The following NALF1 variants were observed in gnomAD, a reference collection of about 807,000 sequenced individuals.
The protein encoded by NALF1 is family with sequence similarity 155 member A.
NALF1 carries 3 observed loss-of-function variants against 48.4 expected under a neutral mutation model. The ratio of observed to expected loss-of-function variants is 0.06; its 90% CI spans 0.03 to 0.16. The LOEUF is 0.16. Ranked by LOEUF, NALF1 falls within the 10% of genes least tolerant of loss-of-function variation. The probability of loss-of-function intolerance (pLI) is 1.00; values close to 1 mark genes in which losing one functional copy is unlikely to be tolerated. For missense variants in NALF1, 526 were observed against 571.5 expected (o/e 0.92, Z 0.81); for synonymous variants, 262 against 245.7 (o/e 1.07, Z -0.62).
chr13:107,637,044 C>T (rs1276182475), intron 1 of NALF1, among the ~76,000 whole-genome samples: 1 of 151,762 alleles, frequency 6.6e-6, no homozygotes, highest in Non-Finnish European at 1.5e-5. Context: ...CCTACGGTAT[C>T]AGTACAGTAA....
intron 1 of NALF1, among the ~76,000 whole-genome samples, chr13:107,701,502 A>G (rs1444454795): frequency 1.3e-5 from 2 of 152,110 alleles, no homozygotes; most frequent in Non-Finnish European, 2.9e-5. Context: ...GTTACCAGGT[A>G]TGAGGGAGGG....
intron 1 of NALF1, among the ~76,000 whole-genome samples, chr13:107,551,452 G>A (rs529245617): frequency 4.6e-5 from 7 of 152,030 alleles, no homozygotes; most frequent in Non-Finnish European, 1.0e-4. Flanking sequence ...TTGAGCTAGG[G>A]ACAGAAATGA....
intron 1 of NALF1, among the ~76,000 whole-genome samples, chr13:107,252,454 C>G (rs116607211): frequency 2.7e-5 from 4 of 149,282 alleles, no homozygotes; most frequent in African/African-American, 7.4e-5. Flanking sequence ...GAGGGACAGA[C>G]ACAGAGAGGA....
At chr13:107,609,455 C>T (rs1350259443) in intron 1 of NALF1, among the ~76,000 whole-genome samples, 1 of 152,200 alleles carries the variant, frequency 6.6e-6, no homozygotes, top group Non-Finnish European at 1.5e-5. Context: ...CTCAGTGAAG[C>T]TGGCCTGGCC....
intron 1 of NALF1, among the ~76,000 whole-genome samples, chr13:107,583,085 G>T (rs866435494): frequency 2.0e-5 from 3 of 152,108 alleles, no homozygotes; most frequent in Non-Finnish European, 4.4e-5. Context: ...AACACTTCTT[G>T]AAAGATTTCA....
chr13:107,547,682 C>T (rs1412529735), intron 1 of NALF1, among the ~76,000 whole-genome samples: 2 of 152,290 alleles, frequency 1.3e-5, no homozygotes, highest in Non-Finnish European at 2.9e-5. Flanking sequence ...ACACACTGTC[C>T]TTGCATCTAT....
At chr13:107,828,606 T>TACACACACACACACACAC (rs60869824) in intron 1 of NALF1, among the ~76,000 whole-genome samples, 1 of 103,916 alleles carries the variant, frequency 9.6e-6, no homozygotes, top group African/African-American at 2.8e-5. Flanking sequence ...TCTATATCTA[T>TACACACACACACACACAC]ACACACACAC....
intron 1 of NALF1, among the ~76,000 whole-genome samples, chr13:107,346,568 T>C (rs1282521314): frequency 6.6e-6 from 1 of 152,192 alleles, no homozygotes; most frequent in African/African-American, 2.4e-5. Flanking sequence ...GGTTATGAAG[T>C]AATCAAACTC....
chr13:107,339,155 AAAG>A lies in NALF1; in HGVS notation c.916-128403_916-128401del, dbSNP rs1332821283. 1.6e-3 allele frequency among the ~76,000 whole-genome samples: 250 copies of A among 151,752 alleles called. 1 individual carries two copies. The highest frequency in any genetic ancestry group is 5.8e-3 in the African/African-American group (242 of 41,386). On this transcript the variant is annotated intron_variant, in intron 1 of 2. Coordinates refer to ENST00000375915, the MANE Select transcript of NALF1 (RefSeq NM_001080396.3). Reference sequence around the variant, plus strand: ...TCTCAGAAGAAAAAAAAAAAAAAAAAAAGTTACAGCTTGAACTCAAGACATCTA... The same window carrying A: ...TCTCAGAAGAAAAAAAAAAAAAAAAATTACAGCTTGAACTCAAGACATCTA...
intron 1 of NALF1, among the ~76,000 whole-genome samples, chr13:107,490,187 A>G (rs78995675): frequency 6.6e-6 from 1 of 152,188 alleles, no homozygotes; most frequent in Non-Finnish European, 1.5e-5. Context: ...ACCTAAAGAC[A>G]GAACCTATCA....
chr13:107,649,004 C>T (rs1880382009), intron 1 of NALF1, among the ~76,000 whole-genome samples: 1 of 152,046 alleles, frequency 6.6e-6, no homozygotes, highest in Admixed American at 6.6e-5. Flanking sequence ...CTTTTCAGAC[C>T]TTTTGCCCAT....
chr13:107,826,352 A>G (rs2138622316), intron 1 of NALF1, among the ~76,000 whole-genome samples: 1 of 152,198 alleles, frequency 6.6e-6, no homozygotes, highest in Non-Finnish European at 1.5e-5. Context: ...AAAGTCACTC[A>G]ACCAACAACA....
At chr13:107,455,089 T>C (rs905747517) in intron 1 of NALF1, among the ~76,000 whole-genome samples, 1 of 152,142 alleles carries the variant, frequency 6.6e-6, no homozygotes, top group Non-Finnish European at 1.5e-5. Context: ...TTATGAGACC[T>C]GATGGTTTGA....
intron 1 of NALF1, among the ~76,000 whole-genome samples, chr13:107,299,591 A>G (rs555069746): frequency 6.6e-6 from 1 of 151,782 alleles, no homozygotes; most frequent in East Asian, 1.9e-4. Flanking sequence ...TGCAGCAATT[A>G]TCACTGCCAC....
chr13:107,647,454 T>C (rs968673506), intron 1 of NALF1, among the ~76,000 whole-genome samples: 1 of 151,344 alleles, frequency 6.6e-6, no homozygotes, highest in Non-Finnish European at 1.5e-5. Context: ...TGGTGTACTA[T>C]GTTTTATCGA....
At chr13:107,321,997 C>T (rs1208514166) in intron 1 of NALF1, among the ~76,000 whole-genome samples, 1 of 152,112 alleles carries the variant, frequency 6.6e-6, no homozygotes, top group African/African-American at 2.4e-5. Flanking sequence ...ACCCATACCA[C>T]CCACCCTATT....
At chr13:107,295,325 AT>A (rs985472753) in intron 1 of NALF1, among the ~76,000 whole-genome samples, 2 of 152,162 alleles carry the variant, frequency 1.3e-5, no homozygotes, top group East Asian at 1.9e-4. Flanking sequence ...TGATTTCATT[AT>A]TTTTTATGGC....
At chr13:107,511,641 G>T (rs572020612) in intron 1 of NALF1, among the ~76,000 whole-genome samples, 1 of 152,022 alleles carries the variant, frequency 6.6e-6, no homozygotes, top group African/African-American at 2.4e-5. Flanking sequence ...CACTACAAAT[G>T]GAGAAACTGA....
Position 107,362,055 on chromosome 13 carries a change from C to T in NALF1, c.916-151300G>A, listed in dbSNP as rs147242018. Among the ~76,000 whole-genome samples the T allele has an allele frequency of 0.013, 1,998 of 152,152 alleles. 38 individuals are homozygous for T. The highest frequency in any genetic ancestry group is 0.045 in the African/African-American group (1,873 of 41,504). ...CCCTGAGAAACTAGTAAACAGAAGT[C>T]GCACTGCCAGCCTGCAGTGCATAGG... is the stretch of plus-strand genomic sequence containing the variant. On this transcript the variant is annotated intron_variant, in intron 1 of 2. Coordinates refer to ENST00000375915, the MANE Select transcript of NALF1 (RefSeq NM_001080396.3). This position sits in a 1 kb window ranked among gnomAD's most constrained non-coding sequence, Gnocchi z 4.6.
Sources: gnomAD v4.1 joint callset for allele counts (sites outside exome capture counted in the v4.1 genomes callset) on GRCh38, gnomAD v4.1.1 for gene constraint, Gnocchi (gnomAD v3.1) non-coding constraint, MANE v1.5 for transcripts, NCBI Gene and HGNC (gene_info 2026-07-23, HGNC 2026-07-21) for gene names.